Variants in ZBBX observed in about 807,000 individuals in gnomAD.
The protein encoded by ZBBX is zinc finger B-box domain-containing protein 1.
Under a neutral mutation model 108.5 loss-of-function variants are expected in ZBBX, and 101 were observed. The observed-to-expected ratio is 0.93, with a 90% CI of 0.79 to 1.10. The LOEUF is 1.10. Among genes scored for constraint, ZBBX ranks in the 50% least tolerant of loss-of-function variants. ZBBX has a pLI of 0.00. For synonymous variants in ZBBX, 356 were observed against 323.4 expected, an observed-to-expected ratio of 1.10 and a Z score of -1.08; for missense variants, 1,009 against 941.4, an observed-to-expected ratio of 1.07 and a Z score of -0.94.
chr3:167,260,368 G>C (rs1311472882), intron 20 of ZBBX, among the ~76,000 whole-genome samples: 3 of 152,090 alleles, frequency 2.0e-5, no homozygotes, highest in African/African-American at 7.2e-5. Context: ...CTTGTATTTG[G>C]ATGTCTAGGT....
At chr3:167,309,369 G>A (rs1734200520) in intron 16 of ZBBX, among the ~76,000 whole-genome samples, 1 of 152,172 alleles carries the variant, frequency 6.6e-6, no homozygotes, top group African/African-American at 2.4e-5. Context: ...ACTCTGTGTG[G>A]GGGCTCCTAC....
At chr3:167,257,771 C>T (rs1723781179) in intron 20 of ZBBX, among the ~76,000 whole-genome samples, 1 of 152,080 alleles carries the variant, frequency 6.6e-6, no homozygotes, top group African/African-American at 2.4e-5. Flanking sequence ...AGCATTTTTT[C>T]ATGTGTTTGT....
At chr3:167,302,208 A>C (rs1732812983) in intron 17 of ZBBX, among the ~76,000 whole-genome samples, 1 of 152,106 alleles carries the variant, frequency 6.6e-6, no homozygotes. Context: ...GGTTCAAAAT[A>C]TGTTCTTTAA....
chr3:167,181,261 C>T, the ZBBX span, among the ~76,000 whole-genome samples: 1 of 152,206 alleles, frequency 6.6e-6, no homozygotes, highest in East Asian at 1.9e-4. Context: ...ACTTTGAGGG[C>T]TGTATAATTG....
chr3:167,377,210 G>T (rs1398181761), intron 2 of ZBBX, among the ~76,000 whole-genome samples: 2 of 152,094 alleles, frequency 1.3e-5, no homozygotes, highest in African/African-American at 4.8e-5. Flanking sequence ...CCTATTTTGA[G>T]AAAGCAACCC....
rs1553833149 is a variant in ZBBX at position 167,348,373 on chromosome 3, A to AAGAAAGAAAAG, written c.528+2046_528+2047insCTTTTCTTTCT. Among the ~76,000 whole-genome samples, 164 of 139,588 alleles carry AAGAAAGAAAAG rather than the reference A, an allele frequency of 1.2e-3. 1 individual carries two copies. Among genetic ancestry groups the AAGAAAGAAAAG allele is most frequent in the Non-Finnish European group, 2.0e-3 (125 of 63,474 alleles). The allele number at this position is 139,588 out of a possible 152,430, so 91.6% of individuals were successfully genotyped here. A position where few individuals can be genotyped will look rare whatever the true frequency, so the allele number is the denominator to read the frequency against. ...GAAAGAAAGAAAGAAAGAAAGAAAA[A>AAGAAAGAAAAG]AAAGAAAAGAAAAGAAGAAGGAGGG... is the stretch of plus-strand genomic sequence containing the variant. On this transcript the variant is annotated intron_variant, in intron 9 of 21. Coordinates refer to ENST00000675490, the MANE Select transcript of ZBBX (RefSeq NM_001199201.2).
chr3:167,290,334 G>A (rs1379217892), intron 18 of ZBBX, among the ~76,000 whole-genome samples: 1 of 152,186 alleles, frequency 6.6e-6, no homozygotes, highest in East Asian at 1.9e-4. Context: ...GTGCCTCACT[G>A]GGACAAAGCT....
the ZBBX span, among the ~76,000 whole-genome samples, chr3:167,229,722 T>C: frequency 6.6e-6 from 1 of 151,808 alleles, no homozygotes; most frequent in Non-Finnish European, 1.5e-5. Flanking sequence ...AATAAGAGTA[T>C]AAAAATTACC....
the ZBBX span, among the ~76,000 whole-genome samples, chr3:167,209,155 C>T: frequency 6.7e-6 from 1 of 148,184 alleles, no homozygotes; most frequent in Non-Finnish European, 1.5e-5. Context: ...AAGAATAGAG[C>T]ACCAGGTAGA....
At chr3:167,180,855 C>T in the ZBBX span, among the ~76,000 whole-genome samples, 11 of 152,200 alleles carry the variant, frequency 7.2e-5, no homozygotes, top group Non-Finnish European at 1.2e-4. Context: ...CCAATCCTGG[C>T]TGTAATGCCC....
chr3:167,272,694 T>C (rs1160261028), intron 20 of ZBBX, among the ~76,000 whole-genome samples: 1 of 152,218 alleles, frequency 6.6e-6, no homozygotes, highest in African/African-American at 2.4e-5. Context: ...TCATACCCTG[T>C]AGAGATCTCC....
At chr3:167,295,932 C>T (rs1420726942) in intron 18 of ZBBX, among the ~76,000 whole-genome samples, 1 of 150,612 alleles carries the variant, frequency 6.6e-6, no homozygotes, top group African/African-American at 2.4e-5. Context: ...GATACTAATG[C>T]CAAATAAAGA....
At chr3:167,306,940 C>A (rs1733746785) in intron 16 of ZBBX, among the ~76,000 whole-genome samples, 1 of 152,100 alleles carries the variant, frequency 6.6e-6, no homozygotes, top group South Asian at 2.1e-4. Context: ...AAAGGACTTG[C>A]TTGTTGCAAT....
At chr3:167,370,136 G>T (rs753900490) in intron 4 of ZBBX, among the ~76,000 whole-genome samples, 70 of 152,258 alleles carry the variant, frequency 4.6e-4, no homozygotes, top group Non-Finnish European at 8.8e-4. Context: ...ATTAGAGGGT[G>T]CAAGGCTAGA....
At chr3:167,257,713 A>G (rs1723770210) in intron 20 of ZBBX, among the ~76,000 whole-genome samples, 1 of 152,146 alleles carries the variant, frequency 6.6e-6, no homozygotes, top group Admixed American at 6.6e-5. Flanking sequence ...AGGAGGTGGT[A>G]TCACATTGTG....
At chr3:167,179,760 C>A in the ZBBX span, among the ~76,000 whole-genome samples, 1 of 152,182 alleles carries the variant, frequency 6.6e-6, no homozygotes, top group African/African-American at 2.4e-5. Context: ...TTACTAGACC[C>A]ATCTGTGAAG....
chr3:167,395,479 G>GCCTCT, intron 1 of ZBBX, among the ~76,000 whole-genome samples: 1 of 150,836 alleles, frequency 6.6e-6, no homozygotes, highest in Admixed American at 6.6e-5. Flanking sequence ...ATAATTCTGA[G>GCCTCT]ATCTGAAGTG....
At chr3:167,280,019 T>C (rs892119920) in intron 20 of ZBBX, among the ~76,000 whole-genome samples, 3 of 152,038 alleles carry the variant, frequency 2.0e-5, no homozygotes, top group Admixed American at 2.0e-4. Context: ...ATTTAATAAA[T>C]GGTGCTGGGA....
intron 9 of ZBBX, among the ~76,000 whole-genome samples, chr3:167,342,543 GTAT>G (rs1246957499): frequency 4.0e-5 from 6 of 151,676 alleles, no homozygotes; most frequent in Admixed American, 3.3e-4. Context: ...GCATCCATCT[GTAT>G]TATTAACCGT....
Sources: allele counts gnomAD v4.1 joint callset (sites outside exome capture counted in the v4.1 genomes callset), GRCh38; gene constraint gnomAD v4.1.1; transcripts MANE v1.5; gene names NCBI Gene and HGNC (gene_info 2026-07-23, HGNC 2026-07-21).